Variants in NRF1 observed in about 807,000 individuals in gnomAD.
NRF1 encodes alpha palindromic-binding protein.
Under a neutral mutation model 58.5 loss-of-function variants are expected in NRF1, and 5 were observed. The observed-to-expected ratio is 0.09, with a 90% CI of 0.04 to 0.18. NRF1 has a LOEUF of 0.18. NRF1 is among the 10% of genes least tolerant of loss of function. The pLI, the probability that NRF1 is intolerant of heterozygous loss-of-function variation, is 1.00. For synonymous variants in NRF1, 224 were observed against 246.7 expected (o/e 0.91, Z 0.86); for missense variants, 288 against 657.7 (o/e 0.44, Z 6.15).
At chr7:129,733,790 G>T (rs1340411925) in intron 10 of NRF1, among the ~76,000 whole-genome samples, 1 of 152,134 alleles carries the variant, frequency 6.6e-6, no homozygotes, top group Non-Finnish European at 1.5e-5. Flanking sequence ...TTGAAAGGTT[G>T]AGGCAGGTGG....
intron 1 of NRF1, among the ~76,000 whole-genome samples, chr7:129,639,848 G>A (rs886883943): frequency 1.3e-5 from 2 of 151,882 alleles, no homozygotes; most frequent in African/African-American, 2.4e-5. Flanking sequence ...GCGCTCTTCC[G>A]CCCCCCCTTT....
chr7:129,652,955 G>A (rs1157881168), intron 1 of NRF1, among the ~76,000 whole-genome samples: 2 of 152,178 alleles, frequency 1.3e-5, no homozygotes, highest in Non-Finnish European at 2.9e-5. Context: ...AAAGTTAGTT[G>A]TAAAATATAC....
At chr7:129,731,429 AC>A (rs34512612) in intron 10 of NRF1, among the ~76,000 whole-genome samples, 6 of 152,136 alleles carry the variant, frequency 3.9e-5, no homozygotes, top group Non-Finnish European at 7.4e-5. Flanking sequence ...TAAAGGAACT[AC>A]CCAAGCACTC....
chr7:129,717,471 C>T lies in NRF1; in HGVS notation c.1223+95C>T. The T allele has an allele frequency of 5.2e-6, 7 of 1,359,072 alleles. No individual in the cohort carries two copies. The South Asian group carries it at 1.1e-4, about 21-fold the overall frequency. 84.2% of individuals were successfully genotyped at this position (1,359,072 alleles called of 1,614,324 possible). ...TAAAGAGAAATGTGTCTCTGTTTGC[C>T]ACAGTTGGCAGTTGGAACTTAACAC... On this transcript the variant is annotated intron_variant, in intron 9 of 10. Coordinates refer to ENST00000393232, the MANE Select transcript of NRF1 (RefSeq NM_005011.5).
intron 10 of NRF1, among the ~76,000 whole-genome samples, 186 bp downstream of exon 10, chr7:129,727,551 G>T (rs1298962172): frequency 6.6e-6 from 1 of 152,172 alleles, no homozygotes; most frequent in African/African-American, 2.4e-5. Context: ...AAACATGGGG[G>T]TTCCTGAAGG....
At chr7:129,626,641 A>G (rs889038602) in intron 1 of NRF1, among the ~76,000 whole-genome samples, 2 of 152,250 alleles carry the variant, frequency 1.3e-5, no homozygotes, top group Admixed American at 6.5e-5. Flanking sequence ...TTAAAGGAGC[A>G]TTTAAACTTA....
intron 10 of NRF1, among the ~76,000 whole-genome samples, chr7:129,743,739 GAC>G (rs1803902737): frequency 6.6e-6 from 1 of 152,172 alleles, no homozygotes; most frequent in Non-Finnish European, 1.5e-5. Context: ...GATTACTCGT[GAC>G]ACATTTTAAA....
chr7:129,641,490 G>A (rs754099770), intron 1 of NRF1, among the ~76,000 whole-genome samples: 5 of 151,844 alleles, frequency 3.3e-5, no homozygotes, highest in Non-Finnish European at 2.9e-5. Context: ...TTTTTATTCT[G>A]TCTTCCATTC....
chr7:129,754,949 C>A (rs953429823), intron 10 of NRF1, 69 bp from the exon 11 acceptor site: 2 of 1,450,976 alleles, frequency 1.4e-6, no homozygotes, highest in Non-Finnish European at 1.8e-6. Context: ...GACTTGGGTG[C>A]CCCCGTCCAG....
rs146111777 is a variant in NRF1, at chr7:129,626,822, T to C, written c.-7+14998T>C. Among the ~76,000 whole-genome samples the C allele has an allele frequency of 2.3e-3, 346 of 152,368 alleles. 3 individuals are homozygous for C. Among genetic ancestry groups the C allele is most frequent in the African/African-American group, 7.6e-3 (315 of 41,580 alleles). On this transcript the variant is annotated intron_variant, in intron 1 of 10. Coordinates refer to ENST00000393232, the MANE Select transcript of NRF1 (RefSeq NM_005011.5). ...CAATGGCTGATCACCTTCAGGTTGA[T>C]GGACAGCTTGCTTTTGATGCTTCTG...
At chr7:129,647,962 T>C (rs934921310) in intron 1 of NRF1, among the ~76,000 whole-genome samples, 1 of 152,112 alleles carries the variant, frequency 6.6e-6, no homozygotes, top group African/African-American at 2.4e-5. Flanking sequence ...TAACATGTCA[T>C]TTAATTTTAA....
chr7:129,748,258 A>T (rs1804027083), intron 10 of NRF1, among the ~76,000 whole-genome samples: 1 of 136,080 alleles, frequency 7.3e-6, no homozygotes, highest in Non-Finnish European at 1.6e-5. Context: ...CTGAGCAACA[A>T]AGCAAGACTC....
intron 10 of NRF1, among the ~76,000 whole-genome samples, chr7:129,745,697 C>T (rs944881178): frequency 1.3e-5 from 2 of 152,166 alleles, no homozygotes; most frequent in African/African-American, 4.8e-5. Flanking sequence ...TTCATCCCCA[C>T]GTTGGGAGCT....
At chr7:129,658,462 C>G (rs931138537) in intron 2 of NRF1, among the ~76,000 whole-genome samples, 7 of 151,890 alleles carry the variant, frequency 4.6e-5, no homozygotes, top group African/African-American at 7.3e-5. Flanking sequence ...GTGACGTGCT[C>G]CCTAGTCCCA....
At chr7:129,632,719 G>T (rs1007647878) in intron 1 of NRF1, among the ~76,000 whole-genome samples, 1 of 151,978 alleles carries the variant, frequency 6.6e-6, no homozygotes, top group East Asian at 1.9e-4. Flanking sequence ...TTGTATAAGA[G>T]GTTAAACTTT....
chr7:129,622,278 A>C (rs1046378891), intron 1 of NRF1, among the ~76,000 whole-genome samples: 1 of 152,174 alleles, frequency 6.6e-6, no homozygotes, highest in Non-Finnish European at 1.5e-5. Context: ...TTATGGCCCT[A>C]ATGACTTCAC....
At position 129,755,018 on chromosome 7, in the gene NRF1, GC is replaced by G; in HGVS notation, c.1351del (p.Leu451TrpfsTer6). The G allele has an allele frequency of 6.2e-7, 1 of 1,605,268 alleles. No homozygotes were observed. On this transcript the variant is annotated frameshift_variant and splice_region_variant, in exon 11 of 11. Coordinates refer to ENST00000393232, the MANE Select transcript of NRF1 (RefSeq NM_005011.5). LOFTEE classifies it high-confidence loss of function. This position sits in a 1 kb window ranked among gnomAD's most constrained non-coding sequence, Gnocchi z 5.8. The part of the protein sequence containing the change: ...GALTGVQDAN[G>X]LVQIPVSMYQ... ...AACGGTCTTCTCTTTGTCTCTCCAGGCCTGGTCCAGATCCCTGTGAGCATGT... is the reference window on the plus strand; with the variant it reads ...AACGGTCTTCTCTTTGTCTCTCCAGGCTGGTCCAGATCCCTGTGAGCATGT...
At chr7:129,643,691 G>A (rs1801344294) in intron 1 of NRF1, among the ~76,000 whole-genome samples, 1 of 152,156 alleles carries the variant, frequency 6.6e-6, no homozygotes, top group African/African-American at 2.4e-5. Context: ...ACTCTCTAAT[G>A]CTTTTTTATT....
At chr7:129,669,826 G>A (rs1562965505) in intron 2 of NRF1, among the ~76,000 whole-genome samples, 1 of 152,122 alleles carries the variant, frequency 6.6e-6, no homozygotes, top group South Asian at 2.1e-4. Context: ...TATGATCCTG[G>A]TGTCTCACTT....
Sources: allele counts gnomAD v4.1 joint callset (sites outside exome capture counted in the v4.1 genomes callset), GRCh38; gene constraint gnomAD v4.1.1; non-coding constraint Gnocchi (gnomAD v3.1); transcripts MANE v1.5; gene names NCBI Gene and HGNC (gene_info 2026-07-23, HGNC 2026-07-21).